The following CSMD1 variants were observed in gnomAD, a reference collection of about 807,000 sequenced individuals.
CSMD1 encodes the protein CUB and sushi domain-containing protein 1.
CSMD1 carries 213 observed loss-of-function variants against 417.5 expected under a neutral mutation model. That is an observed-to-expected ratio of 0.51 (90% CI 0.46 to 0.57). CSMD1 has a LOEUF of 0.57. Ranked by LOEUF, CSMD1 falls within the 20% of genes least tolerant of loss-of-function variation. The pLI, the probability that CSMD1 is intolerant of heterozygous loss-of-function variation, is 0.00. For synonymous variants in CSMD1, 2,862 were observed against 1,736.8 expected, an observed-to-expected ratio of 1.65 and a Z score of -16.11; for missense variants, 6,923 against 4,529.7, an observed-to-expected ratio of 1.53 and a Z score of -15.17.
intron 5 of CSMD1, among the ~76,000 whole-genome samples, chr8:3,834,003 A>C (rs1473139891): frequency 6.6e-6 from 1 of 152,078 alleles, no homozygotes; most frequent in African/African-American, 2.4e-5. Context: ...TTTTCAGGTG[A>C]ATTAAGGATT....
At chr8:3,428,962 C>G (rs932919235) in intron 12 of CSMD1, among the ~76,000 whole-genome samples, 15 of 152,162 alleles carry the variant, frequency 9.9e-5, no homozygotes, top group Non-Finnish European at 2.1e-4. Context: ...ATCATCATCT[C>G]ACTTTTACGG....
intron 27 of CSMD1, 72 bp downstream of exon 27, chr8:3,229,968 T>A: frequency 9.5e-7 from 1 of 1,057,514 alleles, no homozygotes; most frequent in East Asian, 2.6e-5. Flanking sequence ...AATAATACAT[T>A]TACGGAGCGC....
At chr8:3,898,712 G>A (rs182814978) in intron 5 of CSMD1, among the ~76,000 whole-genome samples, 27 of 152,218 alleles carry the variant, frequency 1.8e-4, no homozygotes, top group African/African-American at 6.5e-4. Context: ...ACAGGTGTAG[G>A]AATTCCTGAG....
intron 54 of CSMD1, among the ~76,000 whole-genome samples, chr8:2,979,088 G>A (rs530559287): frequency 6.6e-6 from 1 of 152,232 alleles, no homozygotes; most frequent in African/African-American, 2.4e-5. Flanking sequence ...TAGTTTCCTT[G>A]GTTAAGTTTT....
intron 5 of CSMD1, among the ~76,000 whole-genome samples, chr8:3,904,583 T>A (rs2129135683): frequency 6.6e-6 from 1 of 152,194 alleles, no homozygotes; most frequent in South Asian, 2.1e-4. Flanking sequence ...GGAATTAAAT[T>A]ATCTCAAATA....
chr8:3,530,981 T>C (rs1797956271), intron 10 of CSMD1, among the ~76,000 whole-genome samples: 1 of 151,808 alleles, frequency 6.6e-6, no homozygotes, highest in East Asian at 1.9e-4. Context: ...GCTTCCTGAG[T>C]AGCTGGGACT....
intron 49 of CSMD1, among the ~76,000 whole-genome samples, chr8:3,061,052 T>C (rs1053025775): frequency 6.6e-5 from 10 of 152,214 alleles, no homozygotes; most frequent in African/African-American, 1.9e-4. Flanking sequence ...TATACTAATG[T>C]TTATAATATG....
At chr8:3,179,011 G>C (rs892652218) in intron 37 of CSMD1, among the ~76,000 whole-genome samples, 10 of 149,282 alleles carry the variant, frequency 6.7e-5, no homozygotes, top group South Asian at 4.2e-4. Context: ...GCAGTGGCGC[G>C]ATCTTGGCTC....
At chr8:3,710,869 C>G (rs563931726) in intron 6 of CSMD1, among the ~76,000 whole-genome samples, 1 of 152,060 alleles carries the variant, frequency 6.6e-6, no homozygotes, top group East Asian at 1.9e-4. Flanking sequence ...CAAACCTTTC[C>G]ACGTGGGCTA....
At chr8:3,542,699 A>T (rs1224037532) in intron 10 of CSMD1, among the ~76,000 whole-genome samples, 2 of 152,204 alleles carry the variant, frequency 1.3e-5, no homozygotes, top group African/African-American at 4.8e-5. Flanking sequence ...TCTCAAGAAT[A>T]ACTGTCAAAT....
intron 8 of CSMD1, among the ~76,000 whole-genome samples, chr8:3,596,264 C>G (rs1257924203): frequency 6.6e-6 from 1 of 152,200 alleles, no homozygotes; most frequent in Admixed American, 6.5e-5. Context: ...ATCAGCCTCA[C>G]ACAATAGCAG....
rs372742002 is a variant in CSMD1 at position 4,691,236 on chromosome 8, A to G, written c.86-53678T>C. Reference sequence around the variant, plus strand: ...AGGGATGGGCTGGTGAGCAGAAATTAAATGGGAAAGCCAACCTGTCAGCAG... The same window carrying G: ...AGGGATGGGCTGGTGAGCAGAAATTGAATGGGAAAGCCAACCTGTCAGCAG... On this transcript the variant is annotated intron_variant, in intron 1 of 69. Transcript: ENST00000635120. 3.3e-5 allele frequency among the ~76,000 whole-genome samples: 5 copies of G among 152,314 alleles called. No homozygotes were observed. The East Asian group carries it at 7.7e-4, about 24-fold the overall frequency.
At chr8:4,528,605 A>C (rs1476051143) in intron 2 of CSMD1, among the ~76,000 whole-genome samples, 1 of 152,240 alleles carries the variant, frequency 6.6e-6, no homozygotes, top group Non-Finnish European at 1.5e-5. Flanking sequence ...AACATAAAGC[A>C]AAAGGAAATT....
intron 20 of CSMD1, among the ~76,000 whole-genome samples, chr8:3,365,970 G>A (rs1320223848): frequency 6.6e-6 from 1 of 152,146 alleles, no homozygotes; most frequent in Non-Finnish European, 1.5e-5. Context: ...TTTTGGTTTG[G>A]GAGATAAGAT....
At chr8:3,433,655 A>G (rs1364271041) in intron 12 of CSMD1, among the ~76,000 whole-genome samples, 1 of 152,182 alleles carries the variant, frequency 6.6e-6, no homozygotes, top group Non-Finnish European at 1.5e-5. Context: ...TTAGCGCCCA[A>G]CATTGGTGAG....
In CSMD1 at chr8:3,214,583, T is replaced by C; in HGVS notation, c.4781A>G (p.Tyr1594Cys). Reference sequence around the variant, plus strand: ...GATGGATGAGGGGTCAAGAATCTTATAGCCAGAGTCACACTGGTAGGTGAT... The same window carrying C: ...GATGGATGAGGGGTCAAGAATCTTACAGCCAGAGTCACACTGGTAGGTGAT... ...STITYQCDSG[Y>C]KILDPSSITC... Residue 1594 changes from tyrosine to cysteine, a missense_variant, in exon 30 of 70, where the codon TAT (tyrosine) becomes TGT (cysteine). Tyr to Cys is a radical substitution (Grantham distance 194). Transcript: ENST00000635120. 2 of 1,579,406 alleles carry C rather than the reference T, an allele frequency of 1.3e-6. No individual in the cohort carries two copies. Among genetic ancestry groups the C allele is most frequent in the Non-Finnish European group, 1.7e-6 (2 of 1,161,920 alleles).
At chr8:3,494,437 C>T (rs1160775509) in intron 10 of CSMD1, among the ~76,000 whole-genome samples, 3 of 151,726 alleles carry the variant, frequency 2.0e-5, no homozygotes, top group Non-Finnish European at 4.4e-5. Flanking sequence ...AGGCTAGAAC[C>T]CTGGGTAGTA....
intron 1 of CSMD1, among the ~76,000 whole-genome samples, chr8:4,957,970 A>G (rs1351807912): frequency 6.6e-6 from 1 of 152,142 alleles, no homozygotes; most frequent in Non-Finnish European, 1.5e-5. Context: ...CCTTAGTAAG[A>G]TGTTATTTTT....
At chr8:3,343,880 T>G (rs1807818277) in intron 22 of CSMD1, among the ~76,000 whole-genome samples, 1 of 152,192 alleles carries the variant, frequency 6.6e-6, no homozygotes, top group South Asian at 2.1e-4. Context: ...ACCCTTCCTT[T>G]CTATTCCCTT....
Sources: gnomAD v4.1 joint callset for allele counts (sites outside exome capture counted in the v4.1 genomes callset) on GRCh38, gnomAD v4.1.1 for gene constraint, MANE v1.5 for transcripts, NCBI Gene and HGNC (gene_info 2026-07-23, HGNC 2026-07-21) for gene names.